The following AK9 variants were observed in gnomAD, a reference collection of about 807,000 sequenced individuals.
The protein encoded by AK9 is adenylate kinase domain containing 1.
A neutral mutation model predicts 239.6 loss-of-function variants in AK9; 191 were observed. That is an observed-to-expected ratio of 0.80 (90% confidence interval 0.71 to 0.90). The LOEUF (loss-of-function observed/expected upper bound fraction) is 0.90, where lower values mean the gene tolerates loss of function less well. AK9 is among the 40% of genes least tolerant of loss of function. The pLI is 0.00. For missense variants in AK9, 1,995 were observed against 2,214.7 expected (o/e 0.90, Z 1.99); for synonymous variants, 689 against 721.0 (o/e 0.96, Z 0.71).
intron 5 of AK9, among the ~76,000 whole-genome samples, chr6:109,667,470 GTA>G (rs1801374960): frequency 6.6e-6 from 1 of 152,094 alleles, no homozygotes; most frequent in South Asian, 2.1e-4. Flanking sequence ...TGTTACGTAT[GTA>G]TATGTGTGCC....
chr6:109,639,429 C>T (rs565146956), intron 10 of AK9, among the ~76,000 whole-genome samples: 6 of 152,058 alleles, frequency 3.9e-5, no homozygotes, highest in East Asian at 1.9e-4. Flanking sequence ...TTCATATGTC[C>T]GTTGGCTGCA....
rs1787697925 is a variant in AK9 at position 109,573,560 on chromosome 6, C to T, written c.2226G>A (p.Glu742=). 6.4e-7 allele frequency: 1 copy of T among 1,550,972 alleles called. No homozygotes were observed. Among genetic ancestry groups the T allele is most frequent in the East Asian group, 2.4e-5 (1 of 40,898 alleles). The change falls in exon 21 of 41, where the codon GAG becomes GAA. Residue 742 remains glutamate, a synonymous_variant. Transcript: ENST00000424296. ...AEETDNEDEE[E]IEGDELEVHE... is the part of the protein sequence containing the mutation. ...GAACTTCCAACTCATCACCTTCAAT[C>T]TCCTCTTCATCCTCATTATCAGTCT...
intron 5 of AK9, among the ~76,000 whole-genome samples, chr6:109,667,491 G>C (rs562706990): frequency 6.6e-6 from 1 of 152,018 alleles, no homozygotes; most frequent in African/African-American, 2.4e-5. Flanking sequence ...CCATGTTGGT[G>C]TGCTGCACCC....
intron 1 of AK9, 37 bp downstream of exon 1, chr6:109,691,110 G>T (rs892742989): frequency 6.2e-6 from 3 of 484,746 alleles, no homozygotes; most frequent in Non-Finnish European, 7.5e-6. Flanking sequence ...TTAATCCGTC[G>T]ACTTTTTCTC....
At chr6:109,522,444 GT>G (rs555951848) in intron 29 of AK9, among the ~76,000 whole-genome samples, 1 of 151,720 alleles carries the variant, frequency 6.6e-6, no homozygotes, top group Non-Finnish European at 1.5e-5. Flanking sequence ...TAGATCTTCA[GT>G]TTTTTTCTTT....
chr6:109,582,869 GCCACCCCAA>G, intron 19 of AK9, among the ~76,000 whole-genome samples: 1 of 152,174 alleles, frequency 6.6e-6, no homozygotes, highest in South Asian at 2.1e-4. Flanking sequence ...AATTTCCATA[GCCACCCCAA>G]CCTTTGGCAA....
At position 109,650,130 on chromosome 6, in the gene AK9, A is replaced by C. The variant is rs540025670; in HGVS notation, c.760-5442T>G. 4.0e-3 allele frequency among the ~76,000 whole-genome samples: 608 copies of C among 152,186 alleles called. 2 individuals are homozygous for C. Among genetic ancestry groups the C allele is most frequent in the African/African-American group, 0.013 (551 of 41,540 alleles). ...AATGTTAGACCTAAAACCATAAAAA[A>C]CCTAGAAGAAAACCTAGGCAATACC... On this transcript the variant is annotated intron_variant, in intron 8 of 40. Transcript: ENST00000424296.
chr6:109,541,866 T>C (rs1782935922), intron 27 of AK9, among the ~76,000 whole-genome samples, 181 bp downstream of exon 27: 1 of 152,258 alleles, frequency 6.6e-6, no homozygotes, highest in African/African-American at 2.4e-5. Flanking sequence ...TGTGGGGTCC[T>C]GCAATCGGTA....
At chr6:109,545,751 T>G in intron 26 of AK9, 116 bp downstream of exon 26, 1 of 1,296,768 alleles carries the variant, frequency 7.7e-7, no homozygotes, top group Non-Finnish European at 1.0e-6. Context: ...TTTGGTGAGC[T>G]GTGATTGTGC....
At chr6:109,629,913 G>A (rs1388725911) in intron 12 of AK9, among the ~76,000 whole-genome samples, 2 of 152,114 alleles carry the variant, frequency 1.3e-5, no homozygotes, top group South Asian at 4.1e-4. Context: ...GATTACAGGC[G>A]TGAGCCACCG....
chr6:109,520,653 A>T (rs1325977459), intron 29 of AK9, among the ~76,000 whole-genome samples: 1 of 152,110 alleles, frequency 6.6e-6, no homozygotes, highest in African/African-American at 2.4e-5. Flanking sequence ...GAAGGATGTT[A>T]TTGGTAGTTT....
chr6:109,520,848 A>G (rs1018258640), intron 29 of AK9, among the ~76,000 whole-genome samples: 3 of 151,882 alleles, frequency 2.0e-5, no homozygotes, highest in Non-Finnish European at 2.9e-5. Flanking sequence ...ACTCTTAGGT[A>G]TTTTATTCTT....
At chr6:109,589,539 T>C (rs954969254) in intron 17 of AK9, among the ~76,000 whole-genome samples, 4 of 152,206 alleles carry the variant, frequency 2.6e-5, no homozygotes, top group African/African-American at 9.6e-5. Context: ...AGTTCCTCTT[T>C]TCCAATTTGG....
Position 109,610,372 on chromosome 6 carries a change from A to G in AK9, c.1835T>C (p.Leu612Pro). 6.4e-7 allele frequency: 1 copy of G among 1,551,502 alleles called. No individual in the cohort carries two copies. The highest frequency in any genetic ancestry group is 1.4e-5 in the African/African-American group (1 of 73,124). ...CCCAGCTAGATTTTTTACCTCTCCAAGGACTTCCTGTAAGATTTCAGCATG... is the reference window on the plus strand; with the variant it reads ...CCCAGCTAGATTTTTTACCTCTCCAGGGACTTCCTGTAAGATTTCAGCATG... ...EKHAEILQEV[L>P]GEVMEENKDR... The change falls in exon 17 of 41, where the codon CTT becomes CCT. Residue 612 changes from leucine to proline, a missense_variant. Physicochemically the swap from Leu to Pro is moderately conservative, Grantham distance 98. Coordinates refer to ENST00000424296, the MANE Select transcript of AK9 (RefSeq NM_001145128.3).
chr6:109,671,411 C>T (rs922581167), intron 5 of AK9, among the ~76,000 whole-genome samples: 3 of 152,178 alleles, frequency 2.0e-5, no homozygotes, highest in African/African-American at 7.2e-5. Context: ...ATCCAAAGCC[C>T]TTGCTCAGCA....
chr6:109,606,372 T>C (rs1792883769), intron 17 of AK9, among the ~76,000 whole-genome samples: 1 of 151,834 alleles, frequency 6.6e-6, no homozygotes, highest in Non-Finnish European at 1.5e-5. Context: ...CAGAAAGACA[T>C]AACGACAGTG....
chr6:109,541,390 T>A (rs896974243), intron 27 of AK9, among the ~76,000 whole-genome samples: 1 of 152,326 alleles, frequency 6.6e-6, no homozygotes. Flanking sequence ...TTTCTTATGC[T>A]ATTACACATT....
chr6:109,617,953 G>A (rs1794373300), intron 13 of AK9, among the ~76,000 whole-genome samples: 1 of 152,112 alleles, frequency 6.6e-6, no homozygotes, highest in Admixed American at 6.6e-5. Context: ...TTGGCCATAA[G>A]AACATCTACC....
chr6:109,509,299 G>A lies in AK9; in HGVS notation c.4361C>T (p.Pro1454Leu), dbSNP rs767574558. 2.0e-4 allele frequency: 313 copies of A among 1,551,582 alleles called. No individual in the cohort carries two copies. Among genetic ancestry groups the A allele is most frequent in the Admixed American group, 3.7e-4 (19 of 50,972 alleles). Residue 1454 changes from proline (P) to leucine (L), a missense_variant, in exon 33 of 41, where the codon CCG becomes CTG. Physicochemically the swap from Pro to Leu is moderately conservative, Grantham distance 98 (BLOSUM62 -3). Transcript: ENST00000424296. ...TAACATAAGTGCCAGCTCTGTTTCC[G>A]GGTGATTGTTTAGTACATAACGCAA... ...GALRYVLNNH[P>L]ETELALMLNW...
Sources: gnomAD v4.1 joint callset for allele counts (sites outside exome capture counted in the v4.1 genomes callset) on GRCh38, gnomAD v4.1.1 for gene constraint, MANE v1.5 for transcripts, NCBI Gene and HGNC (gene_info 2026-07-23, HGNC 2026-07-21) for gene names.